The following PDGFC variants were observed in gnomAD, a reference collection of about 807,000 sequenced individuals.
PDGFC encodes platelet-derived growth factor C.
PDGFC carries 12 observed loss-of-function variants against 35.5 expected under a neutral mutation model. The observed-to-expected ratio is 0.34, with a 90% CI of 0.22 to 0.55. The LOEUF is 0.55. PDGFC is among the 20% of genes least tolerant of loss of function. The pLI, the probability that PDGFC is intolerant of heterozygous loss-of-function variation, is 0.91. For missense variants in PDGFC, 322 were observed against 412.4 expected (o/e 0.78, Z 1.90); for synonymous variants, 159 against 148.8 (o/e 1.07, Z -0.50).
At chr4:156,922,283 G>C (rs1460871588) in intron 1 of PDGFC, among the ~76,000 whole-genome samples, 1 of 151,986 alleles carries the variant, frequency 6.6e-6, no homozygotes, top group Non-Finnish European at 1.5e-5. Flanking sequence ...ACTGAATTGG[G>C]AAGGACAGAA....
In PDGFC at chr4:156,971,333, A is replaced by G. The variant is rs1732588347; in HGVS notation, c.-430T>C. 2 of 399,180 alleles carry G rather than the reference A, an allele frequency of 5.0e-6. No individual in the cohort carries two copies. The highest frequency in any genetic ancestry group is 2.5e-4 in the South Asian group (2 of 7,920). 24.7% of individuals were successfully genotyped at this position (399,180 alleles called of 1,614,324 possible). A position where few individuals can be genotyped will look rare whatever the true frequency, so the allele number is the denominator to read the frequency against. ...GTTGCCCGCAGCCAGACTGGAAGCC[A>G]AGTCGGCGGCGAGCAGTTTCTGATC... On this transcript the variant is annotated 5_prime_UTR_variant, in exon 1 of 6. Transcript: ENST00000502773.
At chr4:156,896,805 C>T (rs1730643512) in intron 1 of PDGFC, among the ~76,000 whole-genome samples, 2 of 152,104 alleles carry the variant, frequency 1.3e-5, no homozygotes, top group African/African-American at 4.8e-5. Context: ...ATATAGGCGG[C>T]CACTAAAAGA....
At position 156,946,501 on chromosome 4, in the gene PDGFC, C is replaced by G. The variant is rs143254605; in HGVS notation, c.118+24285G>C. On this transcript the variant is annotated intron_variant, in intron 1 of 5. Coordinates refer to ENST00000502773, the MANE Select transcript of PDGFC (RefSeq NM_016205.3). ...CCTTGGTATTATTTTATTTAATGAG[C>G]ATGGCATTAGAAATTATACAGGATT... Among the ~76,000 whole-genome samples the G allele has an allele frequency of 6.0e-4, 91 of 152,162 alleles. 1 individual carries two copies. The highest frequency in any genetic ancestry group is 2.1e-3 in the African/African-American group (87 of 41,544).
Position 156,805,923 on chromosome 4 carries a change from C to A in PDGFC, c.495+4914G>T, listed in dbSNP as rs542872765. Reference sequence around the variant, plus strand: ...TCCTTCTAACCCCTCCCCACAGAAACCCTACACCCTTCCACAGGGCATGCT... The same window carrying A: ...TCCTTCTAACCCCTCCCCACAGAAAACCTACACCCTTCCACAGGGCATGCT... On this transcript the variant is annotated intron_variant, in intron 3 of 5. Coordinates refer to ENST00000502773, the MANE Select transcript of PDGFC (RefSeq NM_016205.3). 2.1e-3 allele frequency among the ~76,000 whole-genome samples: 320 copies of A among 152,110 alleles called. 2 individuals are homozygous for A. The highest frequency in any genetic ancestry group is 6.8e-3 in the African/African-American group (283 of 41,512).
chr4:156,778,789 T>C (rs746368145), intron 3 of PDGFC, among the ~76,000 whole-genome samples: 1 of 152,190 alleles, frequency 6.6e-6, no homozygotes, highest in Non-Finnish European at 1.5e-5. Flanking sequence ...TTACCTTGAG[T>C]AGCATAGCAA....
rs565342634 is a variant in PDGFC, at chr4:156,761,766, A to C, written c.*1324T>G. On this transcript the variant is annotated 3_prime_UTR_variant, in exon 6 of 6. Coordinates refer to ENST00000502773, the MANE Select transcript of PDGFC (RefSeq NM_016205.3). ...TAAATTGCCAGAGTACAATAAGTGA[A>C]CTGGTTAAGAGACATACTTCTGTAC... is the stretch of plus-strand genomic sequence containing the variant. 6.5e-6 allele frequency: 1 copy of C among 152,806 alleles called. No homozygotes were observed. The highest frequency in any genetic ancestry group is 1.9e-4 in the East Asian group (1 of 5,188). 9.5% of individuals were successfully genotyped at this position (152,806 alleles called of 1,614,324 possible). A position where few individuals can be genotyped will look rare whatever the true frequency, so the allele number is the denominator to read the frequency against.
At chr4:156,844,922 C>T (rs1579050664) in intron 2 of PDGFC, among the ~76,000 whole-genome samples, 1 of 151,924 alleles carries the variant, frequency 6.6e-6, no homozygotes, top group Admixed American at 6.6e-5. Context: ...ATGCTGTGCA[C>T]AACTGCAAAA....
At position 156,846,676 on chromosome 4, in the gene PDGFC, T is replaced by C. The variant is rs190522999; in HGVS notation, c.314+3545A>G. 3.8e-3 allele frequency among the ~76,000 whole-genome samples: 571 copies of C among 151,956 alleles called. 4 individuals are homozygous for C. Among genetic ancestry groups the C allele is most frequent in the African/African-American group, 0.013 (526 of 41,540 alleles). ...TTAATGTTAAATTTATTTCACTTGA[T>C]ACTGCTACTAATGTTCGATGGGAAA... is the stretch of plus-strand genomic sequence containing the variant. On this transcript the variant is annotated intron_variant, in intron 2 of 5. Transcript: ENST00000502773.
Position 156,949,188 on chromosome 4 carries a change from T to C in PDGFC, c.118+21598A>G, listed in dbSNP as rs180893621. Among the ~76,000 whole-genome samples, 520 of 152,056 alleles carry C rather than the reference T, an allele frequency of 3.4e-3. 4 individuals are homozygous for C. The highest frequency in any genetic ancestry group is 5.3e-3 in the Non-Finnish European group (358 of 67,898). Reference sequence around the variant, plus strand: ...CTACTATTAAGAATTCTTTGAAAGATTCATGATTATTCTTTTAAATACTCA... The same window carrying C: ...CTACTATTAAGAATTCTTTGAAAGACTCATGATTATTCTTTTAAATACTCA... On this transcript the variant is annotated intron_variant, in intron 1 of 5. Coordinates refer to ENST00000502773, the MANE Select transcript of PDGFC (RefSeq NM_016205.3).
intron 1 of PDGFC, among the ~76,000 whole-genome samples, chr4:156,952,380 T>C (rs2110941789): frequency 6.6e-6 from 1 of 152,004 alleles, no homozygotes; most frequent in Admixed American, 6.6e-5. Flanking sequence ...AATGGCAACA[T>C]TTATCACTAC....
At chr4:156,784,573 C>A (rs1731070753) in intron 3 of PDGFC, among the ~76,000 whole-genome samples, 1 of 151,180 alleles carries the variant, frequency 6.6e-6, no homozygotes, top group Non-Finnish European at 1.5e-5. Flanking sequence ...TTAAGTTTGG[C>A]AGGGAGAAAA....
At chr4:156,807,055 CAA>C (rs1436104799) in intron 3 of PDGFC, among the ~76,000 whole-genome samples, 3 of 150,816 alleles carry the variant, frequency 2.0e-5, no homozygotes, top group Admixed American at 2.0e-4. Context: ...GGAAAAAAAT[CAA>C]AGACATTAAC....
At chr4:156,939,875 A>G (rs1212455932) in intron 1 of PDGFC, among the ~76,000 whole-genome samples, 1 of 152,132 alleles carries the variant, frequency 6.6e-6, no homozygotes, top group Non-Finnish European at 1.5e-5. Flanking sequence ...ATTACAGTAT[A>G]TAAAGTTAAC....
intron 3 of PDGFC, among the ~76,000 whole-genome samples, chr4:156,799,044 C>T (rs960410804): frequency 1.2e-4 from 19 of 152,072 alleles, no homozygotes; most frequent in Admixed American, 1.2e-3. Flanking sequence ...CAATGTCTTT[C>T]CTATTATTTT....
At chr4:156,915,526 C>T (rs1458672829) in intron 1 of PDGFC, among the ~76,000 whole-genome samples, 2 of 152,078 alleles carry the variant, frequency 1.3e-5, no homozygotes, top group Non-Finnish European at 2.9e-5. Context: ...TGCGGGGGGG[C>T]AGGGTGCAGT....
chr4:156,967,853 C>T (rs1294367712), intron 1 of PDGFC: 36 of 152,186 alleles, frequency 2.4e-4, no homozygotes, highest in Admixed American at 2.3e-3. Context: ...AATCTCTTTC[C>T]TCAAGTTAAA....
intron 1 of PDGFC, among the ~76,000 whole-genome samples, chr4:156,873,329 C>G (rs897309337): frequency 6.6e-6 from 1 of 152,064 alleles, no homozygotes; most frequent in Non-Finnish European, 1.5e-5. Flanking sequence ...CCCCTTACTC[C>G]CAAATTCCTG....
chr4:156,848,020 C>G (rs1729367057), intron 2 of PDGFC, among the ~76,000 whole-genome samples: 1 of 151,642 alleles, frequency 6.6e-6, no homozygotes, highest in Non-Finnish European at 1.5e-5. Context: ...CCTGAAAAAC[C>G]TCATACCACC....
intron 1 of PDGFC, among the ~76,000 whole-genome samples, chr4:156,852,048 T>A (rs1729470191): frequency 6.6e-6 from 1 of 151,640 alleles, no homozygotes; most frequent in Admixed American, 6.6e-5. Context: ...GAATTTCTAA[T>A]ACTATTTTAT....
Sources: gnomAD v4.1 joint callset for allele counts (sites outside exome capture counted in the v4.1 genomes callset) on GRCh38, gnomAD v4.1.1 for gene constraint, MANE v1.5 for transcripts, NCBI Gene and HGNC (gene_info 2026-07-23, HGNC 2026-07-21) for gene names.